Variants in SETD1B observed in about 807,000 individuals in gnomAD.
SETD1B encodes histone-lysine N-methyltransferase SETD1B.
A neutral mutation model predicts 148.0 loss-of-function variants in SETD1B; 7 were observed. That is an observed-to-expected ratio of 0.05 (90% CI 0.03 to 0.09). The LOEUF is 0.09. Ranked by LOEUF, SETD1B falls within the 10% of genes least tolerant of loss-of-function variation. The pLI, the probability that SETD1B is intolerant of heterozygous loss-of-function variation, is 1.00. For missense variants in SETD1B, 2,155 were observed against 2,729.9 expected (o/e 0.79, Z 4.69); for synonymous variants, 1,361 against 1,186.5 (o/e 1.15, Z -3.02).
chr12:121,811,934 G>C (rs1232064458), intron 6 of SETD1B, among the ~76,000 whole-genome samples: 1 of 152,122 alleles, frequency 6.6e-6, no homozygotes, highest in Admixed American at 6.5e-5. Context: ...AGCTGTAGGG[G>C]GGCCGCCGGC....
intron 7 of SETD1B, among the ~76,000 whole-genome samples, chr12:121,816,146 AT>A (rs1230907427): frequency 3.9e-5 from 6 of 152,004 alleles, no homozygotes; most frequent in African/African-American, 1.4e-4. Context: ...CCTTTTTAAC[AT>A]ATTATTTGCC....
At chr12:121,793,074 C>G in the SETD1B span, 1 of 1,259,948 alleles carries the variant, frequency 7.9e-7, no homozygotes, top group East Asian at 2.5e-5. Context: ...GGCGGGGACA[C>G]CCAGTGGGGG....
At chr12:121,824,502 C>T (rs1280840975) in intron 12 of SETD1B, among the ~76,000 whole-genome samples, 3 of 152,062 alleles carry the variant, frequency 2.0e-5, no homozygotes, top group Admixed American at 2.0e-4. Context: ...CAAAAATTAG[C>T]CGGGTGTGGT....
chr12:121,797,701 C>G, the SETD1B span: 2 of 430,266 alleles, frequency 4.6e-6, no homozygotes, highest in Non-Finnish European at 9.4e-6. Context: ...AGTAAAGACC[C>G]CACCCGGAGA....
intron 11 of SETD1B, among the ~76,000 whole-genome samples, chr12:121,822,115 G>A (rs187935358): frequency 6.6e-6 from 1 of 152,346 alleles, no homozygotes; most frequent in East Asian, 1.9e-4. Context: ...TCCTGTGACA[G>A]TGGAGATAAG....
chr12:121,809,779 C>T lies in SETD1B; in HGVS notation c.834C>T (p.Arg278=), dbSNP rs1248880578. 6.4e-7 allele frequency: 1 copy of T among 1,551,568 alleles called. No individual in the cohort carries two copies. Among genetic ancestry groups the T allele is most frequent in the South Asian group, 1.2e-5 (1 of 84,056 alleles). The change falls in exon 6 of 17, where the codon CGC becomes CGT. Residue 278 remains arginine (R), a synonymous_variant. Transcript: ENST00000604567. Reference sequence around the variant, plus strand: ...GACAGGGCACCCCGCTCACACCGCGCCTGGGCACCCCTTTCTCACAGGACT... The same window carrying T: ...GACAGGGCACCCCGCTCACACCGCGTCTGGGCACCCCTTTCTCACAGGACT... ...SYGQGTPLTP[R]LGTPFSQDSS...
chr12:121,825,505 G>GGTT, intron 13 of SETD1B, 139 bp downstream of exon 13: 1 of 695,848 alleles, frequency 1.4e-6, no homozygotes. Context: ...AAGTGGAAGG[G>GGTT]GAGAGGCGGG....
chr12:121,814,397 C>T lies in SETD1B; in HGVS notation c.2182C>T (p.Pro728Ser). ...CCACCCTGCTGTGACAGTGCCCCCACCACCCTTGCCAGCGCCGCCTGGAGT... is the reference window on the plus strand; with the variant it reads ...CCACCCTGCTGTGACAGTGCCCCCATCACCCTTGCCAGCGCCGCCTGGAGT... ...PAHPAVTVPP[P>S]PLPAPPGVPP... The change falls in exon 7 of 17, where the codon CCA becomes TCA. Residue 728 changes from proline to serine, a missense_variant. By Grantham distance (74) the Pro-to-Ser change is moderately conservative. This residue lies in a region of SETD1B where 295 missense variants were observed against 303.8 expected (regional missense o/e 0.97). Transcript: ENST00000604567. The T allele has an allele frequency of 7.3e-7, 1 of 1,373,596 alleles. No individual in the cohort carries two copies. The highest frequency in any genetic ancestry group is 1.5e-5 in the South Asian group (1 of 67,440). 85.1% of individuals were successfully genotyped at this position (1,373,596 alleles called of 1,614,324 possible). A position where few individuals can be genotyped will look rare whatever the true frequency, so the allele number is the denominator to read the frequency against.
At position 121,809,918 on chromosome 12, in the gene SETD1B, C is replaced by G; in HGVS notation, c.973C>G (p.His325Asp). 1 of 1,551,166 alleles carries G rather than the reference C, an allele frequency of 6.4e-7. No homozygotes were observed. The change falls in exon 6 of 17, where the codon CAC becomes GAC. Residue 325 changes from histidine to aspartate, a missense_variant. Coordinates refer to ENST00000604567, the MANE Select transcript of SETD1B (RefSeq NM_001353345.2). The part of the protein sequence containing the change: ...SKFTDAYNRR[H>D]EHHYVHNSPA... ...GTTCACGGACGCCTACAACCGCCGC[C>G]ACGAACATCATTATGTACACAATTC...
chr12:121,809,609 G>A lies in SETD1B; in HGVS notation c.664G>A (p.Asp222Asn). ...CATCTCTGTCTCTCCTTAGCTGTCAGATGCCCTGAAGCGCCTCAAGGATGG... is the reference window on the plus strand; with the variant it reads ...CATCTCTGTCTCTCCTTAGCTGTCAAATGCCCTGAAGCGCCTCAAGGATGG... The part of the protein sequence containing the change: ...PIVNETLQLS[D>N]ALKRLKDGGL... Residue 222 changes from aspartate to asparagine, a missense_variant, in exon 6 of 17, where the codon GAT (aspartate) becomes AAT (asparagine). Physicochemically the swap from Asp to Asn is conservative, Grantham distance 23 (BLOSUM62 1). Around this residue, in one of 11 missense-constraint regions of SETD1B, gnomAD observed 124 missense variants for 282.9 expected, o/e 0.44. Coordinates refer to ENST00000604567, the MANE Select transcript of SETD1B (RefSeq NM_001353345.2). 6.5e-7 allele frequency: 1 copy of A among 1,546,754 alleles called. No homozygotes were observed.
chr12:121,792,392 C>G, the SETD1B span, among the ~76,000 whole-genome samples: 2 of 152,152 alleles, frequency 1.3e-5, no homozygotes, highest in African/African-American at 4.8e-5. Flanking sequence ...TTCTCCTGTC[C>G]CCACCCCTCA....
rs773619575 is a variant in SETD1B at position 121,814,212 on chromosome 12, C to T, written c.1997C>T (p.Ala666Val). Residue 666 changes from alanine to valine, a missense_variant, in exon 7 of 17, where the codon GCG becomes GTG. By Grantham distance (64) the Ala-to-Val change is moderately conservative (BLOSUM62 0). Transcript: ENST00000604567. ...AAGCCCATGGTGGTGACCCCAGGAG[C>T]GGCAGCCGTGGCAGCCCCTTCTGTG... ...CPKPMVVTPG[A>V]AAVAAPSVLA... 15 of 1,539,100 alleles carry T rather than the reference C, an allele frequency of 9.7e-6. No homozygotes were observed. Among genetic ancestry groups the T allele is most frequent in the African/African-American group, 2.8e-5 (2 of 71,788 alleles).
At chr12:121,823,777 AC>A (rs1324923006) in intron 12 of SETD1B, 28 bp downstream of exon 12, 1 of 1,517,924 alleles carries the variant, frequency 6.6e-7, no homozygotes. Flanking sequence ...GGGGCTCTGC[AC>A]CTTCTGGGAT....
At chr12:121,819,346 G>T in intron 10 of SETD1B, 58 bp from the exon 11 acceptor site, 2 of 1,547,020 alleles carry the variant, frequency 1.3e-6, no homozygotes, top group East Asian at 2.4e-5. Flanking sequence ...GAGGGGTCTG[G>T]TGGGGGCTGG....
chr12:121,806,431 G>C (rs1875744329), intron 4 of SETD1B, among the ~76,000 whole-genome samples: 1 of 152,186 alleles, frequency 6.6e-6, no homozygotes, highest in Non-Finnish European at 1.5e-5. Context: ...CCCCAGTGTT[G>C]CCTGTGTTAG....
chr12:121,790,321 T>C, the SETD1B span, among the ~76,000 whole-genome samples: 1 of 152,244 alleles, frequency 6.6e-6, no homozygotes, highest in African/African-American at 2.4e-5. Context: ...GTGTGGCCCA[T>C]TGGGTTCTAG....
chr12:121,800,506 G>GGGCGGCCTCGAAGCCCCGCCGACC (rs1217596124), upstream of SETD1B: 4 of 152,042 alleles, frequency 2.6e-5, no homozygotes, highest in African/African-American at 9.6e-5. Context: ...GTGGGACCCG[G>GGGCGGCCTCGAAGCCCCGCCGACC]GGCGGCCTCG....
At chr12:121,798,365 C>CAGGG in the SETD1B span, among the ~76,000 whole-genome samples, 1 of 152,240 alleles carries the variant, frequency 6.6e-6, no homozygotes, top group Non-Finnish European at 1.5e-5. Flanking sequence ...TGCCCTGAGG[C>CAGGG]AGGGACACGT....
At chr12:121,791,553 A>T in the SETD1B span, among the ~76,000 whole-genome samples, 1 of 152,156 alleles carries the variant, frequency 6.6e-6, no homozygotes, top group Non-Finnish European at 1.5e-5. Context: ...TGGTGACTGT[A>T]GCAGGGGATG....
Sources: gnomAD v4.1 joint callset for allele counts (sites outside exome capture counted in the v4.1 genomes callset) on GRCh38, gnomAD v4.1.1 for gene constraint, gnomAD v4.1.1 regional missense constraint, MANE v1.5 for transcripts, NCBI Gene and HGNC (gene_info 2026-07-23, HGNC 2026-07-21) for gene names.